APLF: variants seen among roughly 807,000 people sequenced by gnomAD.
APLF encodes aprataxin and PNK-like factor.
In APLF, 61 loss-of-function variants were observed where a neutral mutation model predicts 55.6. The observed-to-expected ratio is 1.10, with a 90% CI of 0.89 to 1.36. APLF has a LOEUF of 1.36. Among genes scored for constraint, APLF ranks in the 40% most tolerant of loss-of-function variants. APLF has a pLI of 0.00. For synonymous variants in APLF, 207 were observed against 214.8 expected (o/e 0.96, Z 0.32); for missense variants, 611 against 602.5 (o/e 1.01, Z -0.15).
chr2:68,485,225 A>AT (rs1676126822), intron 1 of APLF, among the ~76,000 whole-genome samples: 1 of 151,908 alleles, frequency 6.6e-6, no homozygotes, highest in Admixed American at 6.6e-5. Flanking sequence ...ATCCAGTTAA[A>AT]TTTTTTTTAA....
intron 9 of APLF, among the ~76,000 whole-genome samples, chr2:68,575,972 C>T (rs543809606): frequency 2.0e-5 from 3 of 152,068 alleles, no homozygotes; most frequent in African/African-American, 7.2e-5. Flanking sequence ...AGAAGAGGTT[C>T]CAGCTCTAAA....
intron 1 of APLF, among the ~76,000 whole-genome samples, chr2:68,486,337 G>C (rs1676174201): frequency 6.6e-6 from 1 of 152,104 alleles, no homozygotes; most frequent in Non-Finnish European, 1.5e-5. Context: ...TTCTCCCTGA[G>C]AAGTGGTGCC....
At chr2:68,556,762 T>C (rs1012690626) in intron 8 of APLF, among the ~76,000 whole-genome samples, 3 of 152,180 alleles carry the variant, frequency 2.0e-5, no homozygotes, top group African/African-American at 7.2e-5. Context: ...TTGATGTCTT[T>C]CAGAAGCTAG....
At position 68,502,714 on chromosome 2, in the gene APLF, C is replaced by T; in HGVS notation, c.169-17C>T. 7.4e-7 allele frequency: 1 copy of T among 1,351,074 alleles called. No homozygotes were observed. The highest frequency in any genetic ancestry group is 9.7e-7 in the Non-Finnish European group (1 of 1,028,564). The allele number at this position is 1,351,074 out of a possible 1,614,324, so 83.7% of individuals were successfully genotyped here. ...ATTCTTTTTTAAATTTAATTATATT[C>T]TTTTTTAATTTGTTAGATACACACA... On this transcript the variant is annotated splice_polypyrimidine_tract_variant and intron_variant, in intron 2 of 9. Coordinates refer to ENST00000303795, the MANE Select transcript of APLF (RefSeq NM_173545.3).
At chr2:68,487,474 A>C (rs1033261870) in intron 1 of APLF, among the ~76,000 whole-genome samples, 2 of 152,156 alleles carry the variant, frequency 1.3e-5, no homozygotes, top group African/African-American at 4.8e-5. Context: ...CTCACCTATG[A>C]AGTGAAGTAT....
chr2:68,551,445 T>C (rs756914086), intron 8 of APLF, among the ~76,000 whole-genome samples: 15 of 152,216 alleles, frequency 9.9e-5, no homozygotes, highest in South Asian at 4.1e-4. Flanking sequence ...TACTCTATTT[T>C]ATCTTTTCTC....
chr2:68,577,944 A>G lies in APLF; in HGVS notation c.1458A>G (p.Glu486=). 1.2e-6 allele frequency: 2 copies of G among 1,613,660 alleles called. No individual in the cohort carries two copies. Among genetic ancestry groups the G allele is most frequent in the Admixed American group, 3.3e-5 (2 of 59,960 alleles). The change falls in exon 10 of 10, where the codon GAA becomes GAG. Residue 486 remains glutamate, a synonymous_variant. Transcript: ENST00000303795. ...CAACAGATGAAGATTCTGACTGGGAACCAGGAAAGGAAGATGAAGAGAAGG... is the reference window on the plus strand; with the variant it reads ...CAACAGATGAAGATTCTGACTGGGAGCCAGGAAAGGAAGATGAAGAGAAGG... ...YEPTDEDSDW[E]PGKEDEEKED...
intron 5 of APLF, among the ~76,000 whole-genome samples, chr2:68,525,295 CATT>C (rs1375376571): frequency 3.4e-5 from 5 of 146,784 alleles, no homozygotes; most frequent in Non-Finnish European, 7.5e-5. Context: ...GACTCTGTCT[CATT>C]AAAAAAAAAA....
At chr2:68,488,498 G>A (rs1676256604) in intron 1 of APLF, among the ~76,000 whole-genome samples, 1 of 151,576 alleles carries the variant, frequency 6.6e-6, no homozygotes, top group Non-Finnish European at 1.5e-5. Flanking sequence ...CCTCTGTCCA[G>A]CTAATTTTTT....
chr2:68,579,969 A>G lies in APLF; in HGVS notation c.*1947A>G, dbSNP rs1439959580. ...CTATATATTTCAATAAATCTGTCAC[A>G]AAAAAGTAATGCAAAGGGTAATACC... On this transcript the variant is annotated 3_prime_UTR_variant, in exon 10 of 10. Coordinates refer to ENST00000303795, the MANE Select transcript of APLF (RefSeq NM_173545.3). 1.2e-6 allele frequency: 1 copy of G among 864,290 alleles called. No individual in the cohort carries two copies. Among genetic ancestry groups the G allele is most frequent in the Non-Finnish European group, 1.4e-6 (1 of 719,724 alleles). 53.5% of individuals were successfully genotyped at this position (864,290 alleles called of 1,614,324 possible). A position where few individuals can be genotyped will look rare whatever the true frequency, so the allele number is the denominator to read the frequency against.
chr2:68,545,942 AGAAAAAAGTAGT>A lies in APLF; in HGVS notation c.1286+633_1286+644del, dbSNP rs549796606. ...AACTTGAAATGAAACAAACTATCAA[AGAAAAAAGTAGT>A]GATTTCAGCTTTACAGAGCTTTAAT... is the stretch of plus-strand genomic sequence containing the variant. On this transcript the variant is annotated intron_variant, in intron 8 of 9. Coordinates refer to ENST00000303795, the MANE Select transcript of APLF (RefSeq NM_173545.3). Among the ~76,000 whole-genome samples, 1,256 of 152,274 alleles carry A rather than the reference AGAAAAAAGTAGT, an allele frequency of 8.2e-3. 9 individuals are homozygous for A. Among genetic ancestry groups the A allele is most frequent in the Non-Finnish European group, 0.012 (788 of 67,998 alleles).
intron 9 of APLF, among the ~76,000 whole-genome samples, chr2:68,571,074 G>C (rs370764124): frequency 6.6e-6 from 1 of 152,032 alleles, no homozygotes; most frequent in South Asian, 2.1e-4. Flanking sequence ...TCATGTGTCT[G>C]TTGGCTGCAT....
In APLF at chr2:68,513,067, T is replaced by C. The variant is rs1353287721; in HGVS notation, c.342-13T>C. The C allele has an allele frequency of 2.3e-5, 37 of 1,589,406 alleles. No homozygotes were observed. Among genetic ancestry groups the C allele is most frequent in the Middle Eastern group, 1.7e-4 (1 of 5,930 alleles). ...ATTTAAAATTAAAGACCAGTTTCTA[T>C]TTTATCTTATAGAAACAGTCAAGTG... On this transcript the variant is annotated splice_polypyrimidine_tract_variant and intron_variant, in intron 3 of 9. Coordinates refer to ENST00000303795, the MANE Select transcript of APLF (RefSeq NM_173545.3).
At chr2:68,572,929 A>G (rs1671508619) in intron 9 of APLF, among the ~76,000 whole-genome samples, 1 of 152,222 alleles carries the variant, frequency 6.6e-6, no homozygotes, top group Non-Finnish European at 1.5e-5. Context: ...GTCACACAGT[A>G]TACTCTGCAG....
intron 8 of APLF, among the ~76,000 whole-genome samples, chr2:68,565,679 A>T (rs562127392): frequency 3.2e-4 from 49 of 152,210 alleles, no homozygotes; most frequent in Non-Finnish European, 5.9e-4. Flanking sequence ...TACCAATATC[A>T]CAATAGTATC....
chr2:68,473,649 T>G (rs1053216777), intron 1 of APLF, among the ~76,000 whole-genome samples: 2 of 152,248 alleles, frequency 1.3e-5, no homozygotes, highest in African/African-American at 4.8e-5. Context: ...GTGACAGTTC[T>G]TGTCACTGGA....
intron 1 of APLF, among the ~76,000 whole-genome samples, chr2:68,477,328 T>C (rs1209972969): frequency 6.6e-6 from 1 of 152,150 alleles, no homozygotes; most frequent in Non-Finnish European, 1.5e-5. Flanking sequence ...CAGTAAATTG[T>C]ATATCATAAT....
chr2:68,518,631 ATAATATATCAT>A (rs1295075121), intron 5 of APLF, among the ~76,000 whole-genome samples: 2 of 82,814 alleles, frequency 2.4e-5, no homozygotes, highest in Non-Finnish European at 5.6e-5. Flanking sequence ...TGAATATATA[ATAATATATCAT>A]TAATATATCA....
In APLF at chr2:68,538,228, G is replaced by C. The variant is rs767381477; in HGVS notation, c.1160+1G>C. Reference sequence around the variant, plus strand: ...GCATGTATGGGGCAAACTGCTATAGGTAAAATGAAATTACAGTAACATTTA... The same window carrying C: ...GCATGTATGGGGCAAACTGCTATAGCTAAAATGAAATTACAGTAACATTTA... On this transcript the variant is annotated splice_donor_variant, in intron 7 of 9. Coordinates refer to ENST00000303795, the MANE Select transcript of APLF (RefSeq NM_173545.3). LOFTEE classifies it high-confidence loss of function. 2.9e-5 allele frequency: 46 copies of C among 1,586,304 alleles called. No individual in the cohort carries two copies. Among genetic ancestry groups the C allele is most frequent in the Non-Finnish European group, 2.6e-5 (30 of 1,167,944 alleles).
Sources: allele counts gnomAD v4.1 joint callset (sites outside exome capture counted in the v4.1 genomes callset), GRCh38; gene constraint gnomAD v4.1.1; transcripts MANE v1.5; gene names NCBI Gene and HGNC (gene_info 2026-07-23, HGNC 2026-07-21).